FARP1: variants seen among roughly 807,000 people sequenced by gnomAD.
The protein encoded by FARP1 is FERM, ARH/RhoGEF and pleckstrin domain protein 1, also known as FERM, ARHGEF and pleckstrin domain-containing protein 1.
FARP1 carries 52 observed loss-of-function variants against 128.8 expected under a neutral mutation model. The ratio of observed to expected loss-of-function variants is 0.40; its 90% CI spans 0.32 to 0.51. The LOEUF is 0.51. FARP1 is among the 20% of genes least tolerant of loss of function. The probability of loss-of-function intolerance (pLI) is 0.45; values close to 1 mark genes in which losing one functional copy is unlikely to be tolerated. For synonymous variants in FARP1, 580 were observed against 551.8 expected, an observed-to-expected ratio of 1.05 and a Z score of -0.72; for missense variants, 1,333 against 1,367.9, an observed-to-expected ratio of 0.97 and a Z score of 0.40.
Position 98,446,316 on chromosome 13 carries a change from C to T in FARP1, c.2904+111C>T, listed in dbSNP as rs540523467. On this transcript the variant is annotated intron_variant, in intron 25 of 26. Coordinates refer to ENST00000319562, the MANE Select transcript of FARP1 (RefSeq NM_005766.4). ...CAGGCCTCTTGGGCTCCAGGTGTCA[C>T]GGGGATGACAGGGATGCTGGCGGGG... is the stretch of plus-strand genomic sequence containing the variant. 2.4e-5 allele frequency: 17 copies of T among 703,392 alleles called. 1 individual carries two copies. Among genetic ancestry groups the T allele is most frequent in the South Asian group, 5.3e-5 (3 of 56,486 alleles). 43.6% of individuals were successfully genotyped at this position (703,392 alleles called of 1,614,324 possible).
At chr13:98,200,396 C>CCCCCCCCCGG (rs1555327094) in intron 1 of FARP1, among the ~76,000 whole-genome samples, 3 of 147,152 alleles carry the variant, frequency 2.0e-5, no homozygotes, top group African/African-American at 7.7e-5. Flanking sequence ...CACCCCCCCC[C>CCCCCCCCCGG]CCTCCCCTTT....
intron 2 of FARP1, among the ~76,000 whole-genome samples, chr13:98,250,417 T>C (rs1469019599): frequency 6.6e-6 from 1 of 152,130 alleles, no homozygotes; most frequent in East Asian, 1.9e-4. Flanking sequence ...AGTGTAAGTA[T>C]AGTTTAACAA....
chr13:98,311,137 G>A (rs889733195), intron 2 of FARP1, among the ~76,000 whole-genome samples: 2 of 152,322 alleles, frequency 1.3e-5, no homozygotes, highest in African/African-American at 4.8e-5. Context: ...CACCACTCTT[G>A]ATTGAACTTT....
At chr13:98,155,362 A>T (rs1032670001) in intron 1 of FARP1, among the ~76,000 whole-genome samples, 11 of 151,092 alleles carry the variant, frequency 7.3e-5, no homozygotes, top group African/African-American at 2.7e-4. Context: ...AAAAAAAAAA[A>T]AAAAAGTCAA....
At chr13:98,282,030 C>T (rs191638334) in intron 2 of FARP1, among the ~76,000 whole-genome samples, 10 of 152,170 alleles carry the variant, frequency 6.6e-5, no homozygotes, top group Admixed American at 2.0e-4. Context: ...TGAGGCCGGG[C>T]GCAGTGGCTC....
At chr13:98,351,472 C>T (rs1039038895) in intron 3 of FARP1, among the ~76,000 whole-genome samples, 39 of 151,926 alleles carry the variant, frequency 2.6e-4, no homozygotes, top group Admixed American at 1.1e-3. Flanking sequence ...ATTAGCTGGG[C>T]GTGGTGGCAG....
intron 1 of FARP1, among the ~76,000 whole-genome samples, chr13:98,189,631 T>C (rs1879098154): frequency 6.6e-6 from 1 of 152,238 alleles, no homozygotes; most frequent in East Asian, 1.9e-4. Flanking sequence ...ATTAAATACG[T>C]ATTCGAGAGG....
chr13:98,399,736 C>T (rs1485863497), intron 13 of FARP1: 1 of 152,172 alleles, frequency 6.6e-6, no homozygotes, highest in Non-Finnish European at 1.5e-5. Flanking sequence ...AAGACAAGCC[C>T]TATGTAAACA....
At chr13:98,183,848 G>C (rs1411079667) in intron 1 of FARP1, among the ~76,000 whole-genome samples, 2 of 151,974 alleles carry the variant, frequency 1.3e-5, no homozygotes, top group Non-Finnish European at 2.9e-5. Flanking sequence ...TCGGTTTTTG[G>C]CTTTTAGGAG....
chr13:98,416,285 A>G (rs1891373714), intron 16 of FARP1, among the ~76,000 whole-genome samples: 1 of 152,230 alleles, frequency 6.6e-6, no homozygotes, highest in African/African-American at 2.4e-5. Flanking sequence ...ATATGCAGCA[A>G]AAGTTCCCCA....
intron 3 of FARP1, among the ~76,000 whole-genome samples, chr13:98,358,879 C>T (rs1199465162): frequency 6.6e-6 from 1 of 152,098 alleles, no homozygotes; most frequent in Non-Finnish European, 1.5e-5. Context: ...CCTTGTGATT[C>T]GCCTGCCTCA....
intron 2 of FARP1, among the ~76,000 whole-genome samples, chr13:98,337,539 G>A (rs1352495446): frequency 4.2e-4 from 2 of 4,772 alleles, no homozygotes; most frequent in Non-Finnish European, 7.1e-4. Flanking sequence ...CTGTGTAGCC[G>A]TGTGTGTGTG....
At chr13:98,386,020 A>G in intron 8 of FARP1, 1 of 553,840 alleles carries the variant, frequency 1.8e-6, no homozygotes, top group Non-Finnish European at 3.2e-6. Flanking sequence ...CTGTTTGGGG[A>G]ATCCACATTA....
In FARP1 at chr13:98,274,951, C is replaced by CT. The variant is rs1410877971; in HGVS notation, c.171+61539dup. 2.0e-5 allele frequency among the ~76,000 whole-genome samples: 3 copies of CT among 152,310 alleles called. No homozygotes were observed. In the East Asian group the frequency reaches 5.8e-4, roughly 29 times the overall value. On this transcript the variant is annotated intron_variant, in intron 2 of 26. Coordinates refer to ENST00000319562, the MANE Select transcript of FARP1 (RefSeq NM_005766.4). ...AGATAATAGATGCTTGGCTATAACA[C>CT]TATCTGTTTGTTCCTAAAGTAATAT...
intron 12 of FARP1, among the ~76,000 whole-genome samples, 176 bp from the exon 13 acceptor site, chr13:98,395,051 T>G (rs533072837): frequency 6.6e-6 from 1 of 152,326 alleles, no homozygotes; most frequent in East Asian, 1.9e-4. Flanking sequence ...AGGAACCTTC[T>G]GGATCATGCC....
At chr13:98,150,466 T>C (rs1875916073) in intron 1 of FARP1, among the ~76,000 whole-genome samples, 1 of 152,204 alleles carries the variant, frequency 6.6e-6, no homozygotes, top group South Asian at 2.1e-4. Context: ...TGTGTATAAA[T>C]CCTTTGTAAA....
intron 2 of FARP1, among the ~76,000 whole-genome samples, chr13:98,251,127 A>G (rs1883302581): frequency 6.6e-6 from 1 of 152,250 alleles, no homozygotes; most frequent in Admixed American, 6.5e-5. Context: ...GTACATTTGA[A>G]TCATAAAGAA....
In FARP1 at chr13:98,351,340, C is replaced by T. The variant is rs192001687; in HGVS notation, c.276+7474C>T. Among the ~76,000 whole-genome samples, 1,294 of 152,250 alleles carry T rather than the reference C, an allele frequency of 8.5e-3. 14 individuals are homozygous for T. Among genetic ancestry groups the T allele is most frequent in the Middle Eastern group, 0.048 (14 of 292 alleles). ...TAAAGAAAAGAGGTTTGGCCGGGCG[C>T]GGTGGCTCACGCCTGTAATCCCAGC... is the stretch of plus-strand genomic sequence containing the variant. On this transcript the variant is annotated intron_variant, in intron 3 of 26. Transcript: ENST00000319562.
chr13:98,341,144 TA>T (rs66470261), intron 2 of FARP1: 7,039 of 146,854 alleles, frequency 0.048, 398 homozygotes, highest in African/African-American at 0.14. Context: ...CGGCATCTGT[TA>T]AAAAAAAAAA....
Sources: allele counts gnomAD v4.1 joint callset (sites outside exome capture counted in the v4.1 genomes callset), GRCh38; gene constraint gnomAD v4.1.1; transcripts MANE v1.5; gene names NCBI Gene and HGNC (gene_info 2026-07-23, HGNC 2026-07-21).